VWC2: variants seen among roughly 807,000 people sequenced by gnomAD.
The protein encoded by VWC2 is brorin.
In VWC2, 14 loss-of-function variants were observed where a neutral mutation model predicts 29.8. The observed-to-expected ratio is 0.47, with a 90% CI of 0.31 to 0.74. VWC2 has a LOEUF of 0.74. VWC2 is among the 30% of genes least tolerant of loss of function. The pLI, the probability that VWC2 is intolerant of heterozygous loss-of-function variation, is 0.05. For missense variants in VWC2, 457 were observed against 459.8 expected (o/e 0.99, Z 0.05); for synonymous variants, 213 against 199.0 (o/e 1.07, Z -0.59).
rs182689570 is a variant in VWC2 at position 49,844,180 on chromosome 7, G to A, written c.826+41340G>A. Among the ~76,000 whole-genome samples the A allele has an allele frequency of 1.1e-4, 17 of 152,318 alleles. 1 individual carries two copies. Among genetic ancestry groups the A allele is most frequent in the Middle Eastern group, 6.8e-3 (2 of 294 alleles). ...GGAAAGGTCTGCTCAGACGGGAATC[G>A]CACACTCAGAGTGGACGTCATGCAT... On this transcript the variant is annotated intron_variant, in intron 3 of 3. Coordinates refer to ENST00000340652, the MANE Select transcript of VWC2 (RefSeq NM_198570.5).
chr7:49,845,341 T>C (rs1028669784), intron 3 of VWC2, among the ~76,000 whole-genome samples: 7 of 152,214 alleles, frequency 4.6e-5, no homozygotes, highest in African/African-American at 1.7e-4. Context: ...TCTAGGACTC[T>C]ATCCATCTGT....
chr7:49,919,065 A>T lies in VWC2; in HGVS notation c.*6880A>T, dbSNP rs1793883579. The T allele has an allele frequency of 6.6e-6, 1 of 151,626 alleles. No individual in the cohort carries two copies. Among genetic ancestry groups the T allele is most frequent in the Non-Finnish European group, 1.5e-5 (1 of 67,992 alleles). 9.4% of individuals were successfully genotyped at this position (151,626 alleles called of 1,614,324 possible). ...GCAAGACTCTGTTTAAAAAAAAAAA[A>T]AAAATCAGTGATGGAACTGAGGCCA... On this transcript the variant is annotated 3_prime_UTR_variant, in exon 4 of 4. Coordinates refer to ENST00000340652, the MANE Select transcript of VWC2 (RefSeq NM_198570.5).
At chr7:49,876,604 G>A (rs184869653) in intron 3 of VWC2, among the ~76,000 whole-genome samples, 6 of 152,152 alleles carry the variant, frequency 3.9e-5, no homozygotes, top group Admixed American at 2.0e-4. Context: ...GAGCATTAAC[G>A]AAGAGCAGCT....
intron 2 of VWC2, among the ~76,000 whole-genome samples, chr7:49,792,450 AG>A (rs1356300270): frequency 6.6e-6 from 1 of 152,228 alleles, no homozygotes; most frequent in Non-Finnish European, 1.5e-5. Flanking sequence ...GTGACCAGGC[AG>A]TGACTGCGAG....
intron 3 of VWC2, among the ~76,000 whole-genome samples, chr7:49,865,112 C>T (rs1259926033): frequency 1.3e-5 from 2 of 152,008 alleles, no homozygotes; most frequent in Non-Finnish European, 2.9e-5. Flanking sequence ...CTGAAATTTG[C>T]CATGTAAAGA....
chr7:49,910,764 T>C (rs1793364533), intron 3 of VWC2, among the ~76,000 whole-genome samples: 1 of 152,174 alleles, frequency 6.6e-6, no homozygotes. Context: ...TCAATTCTCA[T>C]GGAAAACTGT....
In VWC2 at chr7:49,913,108, T is replaced by C. The variant is rs1793543571; in HGVS notation, c.*923T>C. 1 of 152,206 alleles carries C rather than the reference T, an allele frequency of 6.6e-6. No homozygotes were observed. 9.4% of individuals were successfully genotyped at this position (152,206 alleles called of 1,614,324 possible). The stretch of plus-strand genomic sequence containing the variant: ...CTAAATGTGCTACAGATAACTCAGC[T>C]GTCAGTTCAGTGGAATCATATTTGT... On this transcript the variant is annotated 3_prime_UTR_variant, in exon 4 of 4. Transcript: ENST00000340652.
intron 3 of VWC2, chr7:49,901,110 G>C (rs567320313): frequency 6.6e-6 from 1 of 151,858 alleles, no homozygotes; most frequent in East Asian, 1.9e-4. Flanking sequence ...CTACAACATC[G>C]TACTTACTGT....
At chr7:49,789,268 A>G (rs13230101) in intron 2 of VWC2, among the ~76,000 whole-genome samples, 37,991 of 128,532 alleles carry the variant, frequency 0.3, 6,627 homozygotes, top group African/African-American at 0.55. Context: ...GGTGTGTGTG[A>G]GCGGGTGTGT....
intron 3 of VWC2, among the ~76,000 whole-genome samples, chr7:49,820,017 T>C (rs1490818171): frequency 6.6e-6 from 1 of 152,210 alleles, no homozygotes; most frequent in African/African-American, 2.4e-5. Flanking sequence ...AATATATTTC[T>C]AAGATTTTAA....
Position 49,919,324 on chromosome 7 carries a change from TAAAA to T in VWC2, c.*7143_*7146del, listed in dbSNP as rs964598747. The T allele has an allele frequency of 6.6e-6, 1 of 152,102 alleles. No homozygotes were observed. Among genetic ancestry groups the T allele is most frequent in the Non-Finnish European group, 1.5e-5 (1 of 68,016 alleles). 9.4% of individuals were successfully genotyped at this position (152,102 alleles called of 1,614,324 possible). Reference sequence around the variant, plus strand: ...ATACCAGCAGATATCCTTAAACTAATAAAAAAAGCGATGGCATCACATGCCATTT... The same window carrying T: ...ATACCAGCAGATATCCTTAAACTAATAAAGCGATGGCATCACATGCCATTT... On this transcript the variant is annotated 3_prime_UTR_variant, in exon 4 of 4. Coordinates refer to ENST00000340652, the MANE Select transcript of VWC2 (RefSeq NM_198570.5).
At chr7:49,854,021 A>G (rs1790311513) in intron 3 of VWC2, among the ~76,000 whole-genome samples, 1 of 151,884 alleles carries the variant, frequency 6.6e-6, no homozygotes. Context: ...AGCTTCATCC[A>G]TGTCCCTGCA....
At chr7:49,822,672 C>T (rs540752379) in intron 3 of VWC2, among the ~76,000 whole-genome samples, 1 of 152,322 alleles carries the variant, frequency 6.6e-6, no homozygotes, top group East Asian at 1.9e-4. Context: ...CTCCTGGCTT[C>T]AAGTGATCTG....
intron 3 of VWC2, among the ~76,000 whole-genome samples, chr7:49,808,351 G>GTACTT (rs1788923956): frequency 6.6e-6 from 1 of 152,062 alleles, no homozygotes; most frequent in Non-Finnish European, 1.5e-5. Context: ...ATACATACAT[G>GTACTT]TACTTAACAA....
rs527371084 is a variant in VWC2 at position 49,918,433 on chromosome 7, A to G, written c.*6248A>G. 6.6e-5 allele frequency: 10 copies of G among 152,352 alleles called. No homozygotes were observed. Among genetic ancestry groups the G allele is most frequent in the African/African-American group, 1.9e-4 (8 of 41,584 alleles). 9.4% of individuals were successfully genotyped at this position (152,352 alleles called of 1,614,324 possible). A position where few individuals can be genotyped will look rare whatever the true frequency, so the allele number is the denominator to read the frequency against. ...CTAATTCTAGAATATCAATCTTGAT[A>G]CTTGTCAAAGTAAATAGTAGCTCGT... On this transcript the variant is annotated 3_prime_UTR_variant, in exon 4 of 4. Coordinates refer to ENST00000340652, the MANE Select transcript of VWC2 (RefSeq NM_198570.5).
At chr7:49,857,387 T>C (rs1423106024) in intron 3 of VWC2, among the ~76,000 whole-genome samples, 2 of 152,214 alleles carry the variant, frequency 1.3e-5, no homozygotes, top group Admixed American at 1.3e-4. Flanking sequence ...AGCCTGAATA[T>C]TCCAATGTAG....
Position 49,775,623 on chromosome 7 carries a change from G to A in VWC2, c.188G>A (p.Gly63Glu). The part of the protein sequence containing the change: ...RDGPGRVNEL[G>E]RPARDEGGSG... ...GGCCCGGGGCGGGTGAACGAGCTCG[G>A]GCGCCCGGCGAGGGACGAGGGCGGC... Residue 63 changes from glycine to glutamate, a missense_variant, in exon 2 of 4, where the codon GGG becomes GAG. Physicochemically the swap from Gly to Glu is moderately conservative, Grantham distance 98. Coordinates refer to ENST00000340652, the MANE Select transcript of VWC2 (RefSeq NM_198570.5). 1 of 1,530,464 alleles carries A rather than the reference G, an allele frequency of 6.5e-7. No individual in the cohort carries two copies. The highest frequency in any genetic ancestry group is 8.8e-7 in the Non-Finnish European group (1 of 1,141,520). 94.8% of individuals were successfully genotyped at this position (1,530,464 alleles called of 1,614,324 possible).
chr7:49,819,909 T>G (rs1230558404), intron 3 of VWC2, among the ~76,000 whole-genome samples: 1 of 152,118 alleles, frequency 6.6e-6, no homozygotes, highest in African/African-American at 2.4e-5. Context: ...GTCCTATAAA[T>G]AGAGGGAGGG....
At chr7:49,850,915 G>A (rs535296746) in intron 3 of VWC2, among the ~76,000 whole-genome samples, 1 of 152,334 alleles carries the variant, frequency 6.6e-6, no homozygotes, top group South Asian at 2.1e-4. Flanking sequence ...TGAAGTGATT[G>A]TGGCACCAGG....
Sources: allele counts gnomAD v4.1 joint callset (sites outside exome capture counted in the v4.1 genomes callset), GRCh38; gene constraint gnomAD v4.1.1; transcripts MANE v1.5; gene names NCBI Gene and HGNC (gene_info 2026-07-23, HGNC 2026-07-21).